AGBL4: variants seen among roughly 807,000 people sequenced by gnomAD.
AGBL4 encodes the protein cytosolic carboxypeptidase 6.
AGBL4 carries 58 observed loss-of-function variants against 66.4 expected under a neutral mutation model. The observed-to-expected ratio is 0.87, with a 90% CI of 0.71 to 1.09. AGBL4 has a LOEUF of 1.09. Ranked by LOEUF, AGBL4 falls within the 50% of genes least tolerant of loss-of-function variation. The pLI is 0.00. For synonymous variants in AGBL4, 234 were observed against 222.9 expected (o/e 1.05, Z -0.44); for missense variants, 579 against 631.0 (o/e 0.92, Z 0.88).
At chr1:49,405,566 C>T (rs1645178876) in intron 3 of AGBL4, among the ~76,000 whole-genome samples, 1 of 152,116 alleles carries the variant, frequency 6.6e-6, no homozygotes, top group Admixed American at 6.5e-5. Context: ...GCTGCTGCTC[C>T]CCATGCCGTT....
intron 4 of AGBL4, among the ~76,000 whole-genome samples, chr1:49,059,122 A>C (rs1238254922): frequency 2.2e-4 from 33 of 152,168 alleles, no homozygotes. Flanking sequence ...AAGGCATATC[A>C]GAGACCTTCA....
chr1:49,907,737 G>C (rs531226079), intron 1 of AGBL4, among the ~76,000 whole-genome samples: 11 of 152,114 alleles, frequency 7.2e-5, no homozygotes, highest in Admixed American at 5.9e-4. Context: ...TAATTATAAT[G>C]ATGAACACAT....
intron 4 of AGBL4, among the ~76,000 whole-genome samples, chr1:49,142,443 A>G (rs1271872712): frequency 2.0e-5 from 3 of 152,196 alleles, no homozygotes; most frequent in Non-Finnish European, 4.4e-5. Context: ...ACTTTGGATA[A>G]CTTATTACAA....
At chr1:48,529,887 G>A (rs1168435005), downstream of AGBL4, among the ~76,000 whole-genome samples, 1 of 152,138 alleles carries the variant, frequency 6.6e-6, no homozygotes, top group Non-Finnish European at 1.5e-5. Flanking sequence ...GGACTCTGGA[G>A]TGCCTAGAAG....
chr1:49,859,392 C>A (rs1646513261), intron 1 of AGBL4, among the ~76,000 whole-genome samples: 1 of 152,100 alleles, frequency 6.6e-6, no homozygotes, highest in Admixed American at 6.5e-5. Context: ...CATGACCAAG[C>A]ACAATTTATC....
chr1:49,432,356 T>C (rs1349843101), intron 3 of AGBL4, among the ~76,000 whole-genome samples: 1 of 152,166 alleles, frequency 6.6e-6, no homozygotes, highest in Non-Finnish European at 1.5e-5. Context: ...GGCCTTCTTC[T>C]TGGAATTTCC....
intron 2 of AGBL4, among the ~76,000 whole-genome samples, chr1:49,750,675 T>G (rs1179534955): frequency 6.6e-6 from 1 of 152,230 alleles, no homozygotes; most frequent in Non-Finnish European, 1.5e-5. Context: ...TAAATTACTT[T>G]GGGCAGTACG....
At chr1:48,792,723 C>T (rs1038056602) in intron 6 of AGBL4, among the ~76,000 whole-genome samples, 11 of 152,018 alleles carry the variant, frequency 7.2e-5, no homozygotes, top group African/African-American at 2.4e-4. Context: ...GGGAAAGACA[C>T]CACTCAGGCT....
At chr1:48,628,432 T>C (rs959167287) in intron 9 of AGBL4, among the ~76,000 whole-genome samples, 12 of 151,840 alleles carry the variant, frequency 7.9e-5, no homozygotes, top group Non-Finnish European at 1.3e-4. Flanking sequence ...GCACTTTGTT[T>C]CCTTGCTTTG....
At chr1:49,040,008 T>G (rs1557587361) in intron 5 of AGBL4, among the ~76,000 whole-genome samples, 1 of 152,066 alleles carries the variant, frequency 6.6e-6, no homozygotes, top group Non-Finnish European at 1.5e-5. Context: ...TTTAAAGTTT[T>G]TATTCTTCAA....
At chr1:49,289,917 T>C (rs1055949995) in intron 3 of AGBL4, among the ~76,000 whole-genome samples, 18 of 152,208 alleles carry the variant, frequency 1.2e-4, no homozygotes, top group Non-Finnish European at 2.2e-4. Flanking sequence ...AAAGATTTTC[T>C]TTAAAAGGGT....
chr1:48,640,525 G>A (rs1286200549), intron 8 of AGBL4, among the ~76,000 whole-genome samples: 1 of 152,226 alleles, frequency 6.6e-6, no homozygotes, highest in African/African-American at 2.4e-5. Flanking sequence ...CTAAATGCTA[G>A]ACTCATTCAC....
intron 2 of AGBL4, among the ~76,000 whole-genome samples, chr1:49,731,004 G>A (rs1649401882): frequency 6.6e-6 from 1 of 152,152 alleles, no homozygotes; most frequent in Non-Finnish European, 1.5e-5. Context: ...TGACTTCTAT[G>A]GACTACATCA....
At chr1:49,565,614 GA>G (rs1226920904) in intron 3 of AGBL4, among the ~76,000 whole-genome samples, 1 of 152,178 alleles carries the variant, frequency 6.6e-6, no homozygotes, top group African/African-American at 2.4e-5. Flanking sequence ...TTTTCTTTAA[GA>G]GTGTTGAATA....
chr1:49,240,551 C>CTTTTT (rs34162300), intron 4 of AGBL4, among the ~76,000 whole-genome samples: 5 of 123,708 alleles, frequency 4.0e-5, no homozygotes, highest in Admixed American at 8.2e-5. Context: ...ACTGCATTTT[C>CTTTTT]TTTTTTTTTT....
intron 3 of AGBL4, among the ~76,000 whole-genome samples, chr1:49,292,120 G>C (rs1248811764): frequency 2.6e-5 from 4 of 152,224 alleles, no homozygotes; most frequent in Non-Finnish European, 5.9e-5. Context: ...CCAGGGCTGA[G>C]CCTGGGTGCT....
rs907578631 is a variant in AGBL4, at chr1:49,065,375, G to C, written c.378-19575C>G. On this transcript the variant is annotated intron_variant, in intron 4 of 13. Transcript: ENST00000371839. ...AATTTTGACAGTGGGATAAAATGTA[G>C]TTTTATTCAAATGGGAAGAAAGACT... 2.0e-5 allele frequency among the ~76,000 whole-genome samples: 3 copies of C among 152,230 alleles called. No individual in the cohort carries two copies. In the South Asian group the frequency reaches 6.2e-4, roughly 31 times the overall value.
Position 48,684,919 on chromosome 1 carries a change from G to T in AGBL4, c.635-21678C>A, listed in dbSNP as rs7531039. ...TGGTGGAAAGAAACAGGTAATCAGA[G>T]GGCCCAGTTCAATTCCTGCCTTCAC... On this transcript the variant is annotated intron_variant, in intron 6 of 13. Transcript: ENST00000371839. 6.2e-3 allele frequency among the ~76,000 whole-genome samples: 939 copies of T among 152,312 alleles called. 9 individuals are homozygous for T. Among genetic ancestry groups the T allele is most frequent in the African/African-American group, 0.022 (903 of 41,556 alleles).
chr1:49,212,525 C>G (rs550546261), intron 4 of AGBL4, among the ~76,000 whole-genome samples: 63 of 152,040 alleles, frequency 4.1e-4, no homozygotes, highest in South Asian at 2.1e-4. Flanking sequence ...GGCTTCCAAA[C>G]GAAACCAAAT....
Sources: allele counts gnomAD v4.1 joint callset (sites outside exome capture counted in the v4.1 genomes callset), GRCh38; gene constraint gnomAD v4.1.1; transcripts MANE v1.5; gene names NCBI Gene and HGNC (gene_info 2026-07-23, HGNC 2026-07-21).